ARHGEF28: variants seen among roughly 807,000 people sequenced by gnomAD.
ARHGEF28 encodes the protein Rho guanine nucleotide exchange factor 28, also known as 190 kDa guanine nucleotide exchange factor.
In ARHGEF28, 152 loss-of-function variants were observed where a neutral mutation model predicts 206.6. That is an observed-to-expected ratio of 0.74 (90% CI 0.64 to 0.84). The LOEUF (loss-of-function observed/expected upper bound fraction) is 0.84, where lower values mean the gene tolerates loss of function less well. Among genes scored for constraint, ARHGEF28 ranks in the 40% least tolerant of loss-of-function variants. The pLI, the probability that ARHGEF28 is intolerant of heterozygous loss-of-function variation, is 0.00. For synonymous variants in ARHGEF28, 763 were observed against 776.4 expected (o/e 0.98, Z 0.29); for missense variants, 2,028 against 2,073.2 (o/e 0.98, Z 0.42).
At chr5:73,844,949 GA>G (rs1758224892) in intron 11 of ARHGEF28, among the ~76,000 whole-genome samples, 1 of 150,700 alleles carries the variant, frequency 6.6e-6, no homozygotes, top group African/African-American at 2.4e-5. Context: ...GTTAAATGAG[GA>G]AAAAAGTTGT....
At chr5:73,691,627 G>A (rs1021691436) in intron 2 of ARHGEF28, among the ~76,000 whole-genome samples, 1 of 152,144 alleles carries the variant, frequency 6.6e-6, no homozygotes, top group African/African-American at 2.4e-5. Flanking sequence ...TGGACTTAGT[G>A]CAAACATTTT....
chr5:73,768,930 G>C (rs953084590), intron 4 of ARHGEF28, among the ~76,000 whole-genome samples: 3 of 152,000 alleles, frequency 2.0e-5, no homozygotes, highest in African/African-American at 4.8e-5. Context: ...TCTCATGATA[G>C]TGAATGAGGC....
intron 23 of ARHGEF28, 145 bp downstream of exon 23, chr5:73,882,739 GTGGAAAGTCTCTT>G (rs1761033770): frequency 1.3e-6 from 1 of 766,188 alleles, no homozygotes; most frequent in Non-Finnish European, 2.0e-6. Context: ...TGTGACAAAG[GTGGAAAGTCTCTT>G]TTTCTGTATT....
At chr5:73,727,395 G>GT (rs1176093094) in intron 2 of ARHGEF28, among the ~76,000 whole-genome samples, 3 of 152,172 alleles carry the variant, frequency 2.0e-5, no homozygotes, top group Non-Finnish European at 4.4e-5. Flanking sequence ...CATATCCACT[G>GT]TAAGTTTGAA....
chr5:73,645,434 C>T (rs890684484), intron 1 of ARHGEF28, among the ~76,000 whole-genome samples: 1 of 152,000 alleles, frequency 6.6e-6, no homozygotes, highest in Non-Finnish European at 1.5e-5. Flanking sequence ...TAAAAAATAG[C>T]CAAAATGAGT....
chr5:73,779,904 G>A (rs913265903), intron 6 of ARHGEF28, among the ~76,000 whole-genome samples: 1 of 152,150 alleles, frequency 6.6e-6, no homozygotes, highest in Non-Finnish European at 1.5e-5. Context: ...AGTAGTCAAA[G>A]AATGAAGCAC....
At chr5:73,689,640 G>C (rs1165941764) in intron 2 of ARHGEF28, among the ~76,000 whole-genome samples, 1 of 152,214 alleles carries the variant, frequency 6.6e-6, no homozygotes. Context: ...ATATCACTTT[G>C]TGGAACCTAG....
chr5:73,850,053 C>T (rs1358564697), intron 13 of ARHGEF28, among the ~76,000 whole-genome samples: 2 of 130,260 alleles, frequency 1.5e-5, no homozygotes, highest in East Asian at 4.8e-4. Flanking sequence ...TATTTTATTC[C>T]CTCTCTTTTT....
At position 73,808,864 on chromosome 5, in the gene ARHGEF28, G is replaced by A. The variant is rs192008942; in HGVS notation, c.1024+13473G>A. Among the ~76,000 whole-genome samples, 18 of 152,174 alleles carry A rather than the reference G, an allele frequency of 1.2e-4. No homozygotes were observed. In the East Asian group the frequency reaches 2.9e-3, roughly 25 times the overall value. On this transcript the variant is annotated intron_variant, in intron 9 of 35. Coordinates refer to ENST00000513042, the MANE Select transcript of ARHGEF28 (RefSeq NM_001177693.2). ...TCCTCCTTCTTCTCCTCCTCCTGCTGTTTCTGTCTTGGTATAGTTTTCTTG... is the reference window on the plus strand; with the variant it reads ...TCCTCCTTCTTCTCCTCCTCCTGCTATTTCTGTCTTGGTATAGTTTTCTTG...
chr5:73,627,256 AC>A (rs1437997253), intron 1 of ARHGEF28: 1 of 152,260 alleles, frequency 6.6e-6, no homozygotes, highest in Non-Finnish European at 1.5e-5. Context: ...GAGGTTCACC[AC>A]GGACCACACC....
intron 33 of ARHGEF28, chr5:73,904,925 T>G (rs72774403): frequency 0.04 from 6,164 of 152,910 alleles, 200 homozygotes; most frequent in Non-Finnish European, 0.058. Flanking sequence ...AAAGGCAAAT[T>G]AGCCACACAG....
chr5:73,896,068 G>T (rs1472851241), intron 29 of ARHGEF28, among the ~76,000 whole-genome samples: 1 of 152,140 alleles, frequency 6.6e-6, no homozygotes, highest in Non-Finnish European at 1.5e-5. Context: ...AAAACTTTTA[G>T]TGAGGAAAGA....
intron 9 of ARHGEF28, among the ~76,000 whole-genome samples, chr5:73,815,212 G>A (rs1031606361): frequency 2.0e-5 from 3 of 148,404 alleles, no homozygotes; most frequent in African/African-American, 7.5e-5. Flanking sequence ...ATATATATAT[G>A]AGCACAAGCA....
At chr5:73,650,287 T>C (rs1239316050) in intron 1 of ARHGEF28, among the ~76,000 whole-genome samples, 4 of 145,180 alleles carry the variant, frequency 2.8e-5, no homozygotes, top group East Asian at 2.0e-4. Context: ...CTTTTTTTTT[T>C]TTTTTTTTTT....
chr5:73,782,315 T>G (rs565524474), intron 7 of ARHGEF28, among the ~76,000 whole-genome samples: 26 of 152,098 alleles, frequency 1.7e-4, no homozygotes, highest in South Asian at 1.5e-3. Flanking sequence ...GGTGTGCACC[T>G]GTAATGCCAG....
Position 73,883,792 on chromosome 5 carries a change from G to A in ARHGEF28, c.2963G>A (p.Arg988Gln), listed in dbSNP as rs778783488. The change falls in exon 24 of 36, where the codon CGA (arginine) becomes CAA (glutamine). Residue 988 changes from arginine (R) to glutamine (Q), a missense_variant. Physicochemically the swap from Arg to Gln is conservative, Grantham distance 43. This residue lies in a region of ARHGEF28 where 223 missense variants were observed against 289.9 expected (regional missense o/e 0.77). Coordinates refer to ENST00000513042, the MANE Select transcript of ARHGEF28 (RefSeq NM_001177693.2). ...CTCCGAAATAGTAATCTTTTGGCTC[G>A]ACGCCGAGGAATTCCAGAATGCATT... ...IKLRNSNLLA[R>Q]RRGIPECILL... is the part of the protein sequence containing the mutation. 19 of 1,560,406 alleles carry A rather than the reference G, an allele frequency of 1.2e-5. No individual in the cohort carries two copies. Among genetic ancestry groups the A allele is most frequent in the Non-Finnish European group, 1.6e-5 (19 of 1,152,992 alleles).
chr5:73,868,175 G>A lies in ARHGEF28; in HGVS notation c.2373G>A (p.Glu791=), dbSNP rs957373559. The A allele has an allele frequency of 1.9e-6, 3 of 1,602,174 alleles. No homozygotes were observed. Among genetic ancestry groups the A allele is most frequent in the Non-Finnish European group, 2.6e-6 (3 of 1,173,854 alleles). The part of the protein sequence containing the change: ...NSCRSRSHSD[E]LLQSMGSSPS... The stretch of plus-strand genomic sequence containing the variant: ...GCAGAAGCAGGTCTCATTCTGATGA[G>A]CTGCTACAGTCCATGGGCTCTTCTC... The change falls in exon 20 of 36, where the codon GAG becomes GAA. Residue 791 remains glutamate (E), a synonymous_variant. Transcript: ENST00000513042.
At chr5:73,706,041 C>A (rs1310625088) in intron 2 of ARHGEF28, among the ~76,000 whole-genome samples, 1 of 152,212 alleles carries the variant, frequency 6.6e-6, no homozygotes, top group African/African-American at 2.4e-5. Flanking sequence ...AAGGGTGGAA[C>A]TTCCAGCAGC....
chr5:73,790,286 T>C (rs538401747), intron 7 of ARHGEF28, among the ~76,000 whole-genome samples: 77 of 151,904 alleles, frequency 5.1e-4, no homozygotes, highest in Non-Finnish European at 8.5e-4. Flanking sequence ...AAAAAAACTG[T>C]GTAAGAGGAG....
Sources: gnomAD v4.1 joint callset for allele counts (sites outside exome capture counted in the v4.1 genomes callset) on GRCh38, gnomAD v4.1.1 for gene constraint, gnomAD v4.1.1 regional missense constraint, MANE v1.5 for transcripts, NCBI Gene and HGNC (gene_info 2026-07-23, HGNC 2026-07-21) for gene names.